The following STK33 variants were observed in gnomAD, a reference collection of about 807,000 sequenced individuals.
STK33 encodes serine/threonine-protein kinase 33.
In STK33, 52 loss-of-function variants were observed where a neutral mutation model predicts 58.0. The ratio of observed to expected loss-of-function variants is 0.90; its 90% CI spans 0.72 to 1.13. The LOEUF is 1.13. Among genes scored for constraint, STK33 ranks in the 50% most tolerant of loss-of-function variants. STK33 has a pLI of 0.00. For missense variants in STK33, 630 were observed against 604.2 expected, an observed-to-expected ratio of 1.04 and a Z score of -0.45; for synonymous variants, 215 against 200.1, an observed-to-expected ratio of 1.07 and a Z score of -0.63.
intron 15 of STK33, among the ~76,000 whole-genome samples, chr11:8,402,791 T>C (rs1938339979): frequency 1.3e-5 from 2 of 152,202 alleles, no homozygotes; most frequent in African/African-American, 4.8e-5. Context: ...AAATTCCAGC[T>C]TCCAAGCTTT....
At chr11:8,449,127 G>T (rs1442883032) in intron 11 of STK33, among the ~76,000 whole-genome samples, 1 of 151,566 alleles carries the variant, frequency 6.6e-6, no homozygotes, top group Non-Finnish European at 1.5e-5. Flanking sequence ...AAAAAGTCAG[G>T]AAACAACAGG....
chr11:8,440,351 T>C (rs1480120734), intron 12 of STK33, among the ~76,000 whole-genome samples: 1 of 152,104 alleles, frequency 6.6e-6, no homozygotes, highest in East Asian at 1.9e-4. Flanking sequence ...AAGCTATAAG[T>C]GAACCTCATG....
intron 10 of STK33, 147 bp from the exon 11 acceptor site, chr11:8,453,053 G>T: frequency 1.4e-6 from 1 of 695,890 alleles, no homozygotes. Flanking sequence ...TAAAAATTTT[G>T]CATTTCCTTC....
intron 1 of STK33, among the ~76,000 whole-genome samples, chr11:8,560,942 C>T (rs1396352892): frequency 6.6e-6 from 1 of 152,174 alleles, no homozygotes; most frequent in Non-Finnish European, 1.5e-5. Context: ...TCTACTGACT[C>T]TCTCTCCACG....
At chr11:8,469,809 G>A (rs1285351825) in intron 6 of STK33, among the ~76,000 whole-genome samples, 1 of 152,210 alleles carries the variant, frequency 6.6e-6, no homozygotes, top group Non-Finnish European at 1.5e-5. Flanking sequence ...CTCCATTAGA[G>A]CTCTTGGGTG....
intron 12 of STK33, among the ~76,000 whole-genome samples, chr11:8,439,885 A>ATATATATATATATATATATATATATC (rs1311904285): frequency 7.0e-6 from 1 of 142,046 alleles, no homozygotes; most frequent in African/African-American, 2.6e-5. Context: ...ATATATATAT[A>ATATATATATATATATATATATATATC]TCAGAGGCTT....
At chr11:8,414,016 C>A (rs1940733097) in intron 14 of STK33, among the ~76,000 whole-genome samples, 1 of 152,104 alleles carries the variant, frequency 6.6e-6, no homozygotes, top group South Asian at 2.1e-4. Flanking sequence ...TAGCGCTGTT[C>A]TTAGAAAATT....
At chr11:8,559,993 A>G (rs1322821886) in intron 1 of STK33, among the ~76,000 whole-genome samples, 2 of 152,148 alleles carry the variant, frequency 1.3e-5, no homozygotes, top group East Asian at 1.9e-4. Flanking sequence ...TAATGGCTAT[A>G]TAATATTCCA....
At chr11:8,492,519 T>C (rs1361220442) in intron 1 of STK33, among the ~76,000 whole-genome samples, 2 of 152,174 alleles carry the variant, frequency 1.3e-5, no homozygotes, top group African/African-American at 2.4e-5. Flanking sequence ...CACCCCACTG[T>C]CAATATTAGA....
chr11:8,565,137 T>A (rs1957360561), intron 1 of STK33, among the ~76,000 whole-genome samples: 1 of 151,842 alleles, frequency 6.6e-6, no homozygotes, highest in Non-Finnish European at 1.5e-5. Context: ...GTAAGATAAT[T>A]AGTGGATTTT....
chr11:8,415,034 G>A (rs971400467), intron 14 of STK33, among the ~76,000 whole-genome samples: 3 of 152,002 alleles, frequency 2.0e-5, no homozygotes, highest in African/African-American at 7.2e-5. Flanking sequence ...TCATCTGAAC[G>A]GGTTCTGCTC....
At chr11:8,470,259 C>T (rs1948647317) in intron 6 of STK33, among the ~76,000 whole-genome samples, 1 of 152,228 alleles carries the variant, frequency 6.6e-6, no homozygotes, top group Admixed American at 6.5e-5. Flanking sequence ...GCTGCTTCCA[C>T]CTTTTATGTT....
the STK33 span, among the ~76,000 whole-genome samples, chr11:8,375,253 C>T: frequency 6.6e-6 from 1 of 152,202 alleles, no homozygotes; most frequent in Non-Finnish European, 1.5e-5. Flanking sequence ...CTTGCAGTGA[C>T]ATTTATTTGC....
At chr11:8,427,427 G>A (rs959081628) in intron 14 of STK33, among the ~76,000 whole-genome samples, 7 of 151,940 alleles carry the variant, frequency 4.6e-5, no homozygotes, top group South Asian at 2.1e-4. Context: ...ATTTCATTAC[G>A]TCTATTTGTC....
the STK33 span, among the ~76,000 whole-genome samples, chr11:8,361,090 C>A: frequency 6.6e-6 from 1 of 152,150 alleles, no homozygotes; most frequent in Non-Finnish European, 1.5e-5. The surrounding 1 kb of genome is among the most constrained non-coding windows in gnomAD (Gnocchi z 4.8). Context: ...AAAATGTATA[C>A]CTCAAGAGAG....
chr11:8,344,328 G>A, the STK33 span, among the ~76,000 whole-genome samples: 2 of 152,158 alleles, frequency 1.3e-5, no homozygotes, highest in Non-Finnish European at 2.9e-5. Flanking sequence ...GCTGCAGTGA[G>A]CTATGATTAC....
chr11:8,518,963 A>C (rs1319495048), intron 1 of STK33, among the ~76,000 whole-genome samples: 2 of 152,176 alleles, frequency 1.3e-5, no homozygotes, highest in Non-Finnish European at 2.9e-5. Flanking sequence ...ATATCCAGGA[A>C]TTGAACTCAG....
intron 1 of STK33, among the ~76,000 whole-genome samples, chr11:8,482,614 G>A (rs1297605695): frequency 2.6e-5 from 4 of 152,194 alleles, no homozygotes; most frequent in Non-Finnish European, 5.9e-5. Context: ...ACAATTTTTA[G>A]AATGAGAGAT....
rs555375979 is a variant in STK33 at position 8,446,359 on chromosome 11, T to A, written c.872-5606A>T. On this transcript the variant is annotated intron_variant, in intron 11 of 15. Coordinates refer to ENST00000687296, the MANE Select transcript of STK33 (RefSeq NM_001352389.2). ...GATTCATTGATTGTTTGAAGGGTTT[T>A]TCGTGTCCCTATCTCCTTGGGTTCT... 1.4e-3 allele frequency among the ~76,000 whole-genome samples: 217 copies of A among 152,298 alleles called. 3 individuals are homozygous for A. Among genetic ancestry groups the A allele is most frequent in the Non-Finnish European group, 5.9e-5 (4 of 68,022 alleles).
Sources: allele counts gnomAD v4.1 joint callset (sites outside exome capture counted in the v4.1 genomes callset), GRCh38; gene constraint gnomAD v4.1.1; non-coding constraint Gnocchi (gnomAD v3.1); transcripts MANE v1.5; gene names NCBI Gene and HGNC (gene_info 2026-07-23, HGNC 2026-07-21).